PRDM16: variants seen among roughly 807,000 people sequenced by gnomAD.
The protein encoded by PRDM16 is histone-lysine N-methyltransferase PRDM16.
A neutral mutation model predicts 110.6 loss-of-function variants in PRDM16; 23 were observed. That is an observed-to-expected ratio of 0.21 (90% CI 0.15 to 0.29). PRDM16 has a LOEUF of 0.29. Ranked by LOEUF, PRDM16 falls within the 10% of genes least tolerant of loss-of-function variation. The probability of loss-of-function intolerance (pLI) is 1.00; values close to 1 mark genes in which losing one functional copy is unlikely to be tolerated. For synonymous variants in PRDM16, 799 were observed against 781.8 expected (o/e 1.02, Z -0.37); for missense variants, 1,615 against 1,794.3 (o/e 0.90, Z 1.81).
At chr1:3,163,785 G>A (rs781126579) in intron 1 of PRDM16, among the ~76,000 whole-genome samples, 10 of 152,178 alleles carry the variant, frequency 6.6e-5, no homozygotes, top group Non-Finnish European at 8.8e-5. Context: ...GCGTGTTCAC[G>A]TCCAGAGCCG....
At chr1:3,107,717 C>A (rs1642696672) in intron 1 of PRDM16, among the ~76,000 whole-genome samples, 1 of 152,232 alleles carries the variant, frequency 6.6e-6, no homozygotes, top group African/African-American at 2.4e-5. Flanking sequence ...AACCACCTTT[C>A]CTTGTAAGAG....
chr1:3,321,600 G>T (rs1488442340), intron 3 of PRDM16, among the ~76,000 whole-genome samples: 1 of 146,612 alleles, frequency 6.8e-6, no homozygotes, highest in Non-Finnish European at 1.5e-5. Flanking sequence ...TTTCTGGGGG[G>T]TTGCACATGT....
chr1:3,281,046 C>G (rs546421625), intron 3 of PRDM16, among the ~76,000 whole-genome samples: 122 of 152,354 alleles, frequency 8.0e-4, no homozygotes, highest in African/African-American at 2.7e-3. Context: ...TTGTTCAACA[C>G]CGGGCAAGTC....
intron 6 of PRDM16, among the ~76,000 whole-genome samples, chr1:3,403,652 G>T (rs573613502): frequency 1.3e-5 from 2 of 152,338 alleles, no homozygotes; most frequent in South Asian, 4.1e-4. Flanking sequence ...GGGCCTGGGC[G>T]GCCTTGGGGA....
At chr1:3,226,541 G>GA (rs1318035617) in intron 2 of PRDM16, among the ~76,000 whole-genome samples, 2 of 151,824 alleles carry the variant, frequency 1.3e-5, no homozygotes, top group Non-Finnish European at 2.9e-5. Context: ...GTCTGATTAG[G>GA]AAAAAAAACC....
rs566084117 is a variant in PRDM16, at chr1:3,348,411, C to T, written c.439-36741C>T. ...GAAGCAGAGAGTGGAGAGAGGCCAG[C>T]GGTGGGGGCAGCTCTTCAGCACCAT... On this transcript the variant is annotated intron_variant, in intron 3 of 16. Coordinates refer to ENST00000270722, the MANE Select transcript of PRDM16 (RefSeq NM_022114.4). Among the ~76,000 whole-genome samples, 25 of 152,272 alleles carry T rather than the reference C, an allele frequency of 1.6e-4. No individual in the cohort carries two copies. The South Asian group carries it at 2.5e-3, about 15-fold the overall frequency.
At chr1:3,274,240 G>C (rs1640532000) in intron 3 of PRDM16, among the ~76,000 whole-genome samples, 1 of 152,138 alleles carries the variant, frequency 6.6e-6, no homozygotes, top group Non-Finnish European at 1.5e-5. Flanking sequence ...CTCTGAAATG[G>C]TACCTAAATG....
chr1:3,212,344 T>C (rs1638905863), intron 2 of PRDM16, among the ~76,000 whole-genome samples: 1 of 152,126 alleles, frequency 6.6e-6, no homozygotes, highest in Non-Finnish European at 1.5e-5. Flanking sequence ...TCAGGTGATC[T>C]TGACACCCCT....
chr1:3,288,519 G>T (rs1192420346), intron 3 of PRDM16, among the ~76,000 whole-genome samples: 1 of 152,164 alleles, frequency 6.6e-6, no homozygotes, highest in Non-Finnish European at 1.5e-5. Context: ...TGAGCCTGTG[G>T]CCAGGAGTGG....
chr1:3,139,717 G>A (rs1643509535), intron 1 of PRDM16, among the ~76,000 whole-genome samples: 1 of 152,252 alleles, frequency 6.6e-6, no homozygotes, highest in Non-Finnish European at 1.5e-5. Flanking sequence ...TGGCCAGGAG[G>A]GCGTCACCTC....
Position 3,298,258 on chromosome 1 carries a change from G to A in PRDM16, c.438+54121G>A, listed in dbSNP as rs185833533. Among the ~76,000 whole-genome samples, 842 of 152,296 alleles carry A rather than the reference G, an allele frequency of 5.5e-3. 9 individuals are homozygous for A. The highest frequency in any genetic ancestry group is 0.019 in the African/African-American group (791 of 41,562). Reference sequence around the variant, plus strand: ...TCCTCCGCAAATGCACCTCGTGTTCGAGTCCTGCACCCCTCTCCTTCCCTG... The same window carrying A: ...TCCTCCGCAAATGCACCTCGTGTTCAAGTCCTGCACCCCTCTCCTTCCCTG... On this transcript the variant is annotated intron_variant, in intron 3 of 16. Transcript: ENST00000270722.
Position 3,122,850 on chromosome 1 carries a change from G to A in PRDM16, c.37+53554G>A, listed in dbSNP as rs955065421. Among the ~76,000 whole-genome samples, 7 of 152,274 alleles carry A rather than the reference G, an allele frequency of 4.6e-5. No individual in the cohort carries two copies. The South Asian group carries it at 6.2e-4, about 14-fold the overall frequency. On this transcript the variant is annotated intron_variant, in intron 1 of 16. Transcript: ENST00000270722. ...TCTTCCTGTAGGGCTCTAGGGAGGC[G>A]GCGGCTGGGAATGAGAACCAGCCCC... is the stretch of plus-strand genomic sequence containing the variant.
At chr1:3,087,046 G>C (rs932132839) in intron 1 of PRDM16, among the ~76,000 whole-genome samples, 1 of 152,182 alleles carries the variant, frequency 6.6e-6, no homozygotes, top group Non-Finnish European at 1.5e-5. Context: ...CGACATGCTC[G>C]TAGTTCATAT....
At chr1:3,070,657 C>A (rs1056098470) in intron 1 of PRDM16, among the ~76,000 whole-genome samples, 36 of 152,012 alleles carry the variant, frequency 2.4e-4, no homozygotes, top group African/African-American at 8.2e-4. Flanking sequence ...TCGCAGCTCC[C>A]GGGGCCGAGC....
rs146516022 is a variant in PRDM16 at position 3,088,445 on chromosome 1, T to TTTA, written c.37+19155_37+19157dup. On this transcript the variant is annotated intron_variant, in intron 1 of 16. Transcript: ENST00000270722. ...TACTCTTGGGAGATGCAGGGATTCT[T>TTTA]TTATTATTTATTTATTTATTTATTT... 5.6e-3 allele frequency among the ~76,000 whole-genome samples: 843 copies of TTTA among 149,554 alleles called. 6 individuals are homozygous for TTTA. Among genetic ancestry groups the TTTA allele is most frequent in the Middle Eastern group, 0.021 (6 of 290 alleles).
chr1:3,152,716 G>A (rs182279622), intron 1 of PRDM16, among the ~76,000 whole-genome samples: 151 of 152,334 alleles, frequency 9.9e-4, no homozygotes, highest in African/African-American at 3.0e-3. Context: ...TTTCTGATGC[G>A]TGGCTGGGCC....
At chr1:3,097,010 A>G (rs1017650665) in intron 1 of PRDM16, among the ~76,000 whole-genome samples, 3 of 149,748 alleles carry the variant, frequency 2.0e-5, no homozygotes, top group Non-Finnish European at 4.4e-5. Flanking sequence ...TCTGGGAGCC[A>G]CCTGCTGCAG....
chr1:3,216,175 A>G (rs1333305528), intron 2 of PRDM16, among the ~76,000 whole-genome samples: 1 of 152,112 alleles, frequency 6.6e-6, no homozygotes, highest in African/African-American at 2.4e-5. Context: ...CTCTCTTTCC[A>G]TGGGAAAAAT....
At chr1:3,333,112 G>T (rs1172399032) in intron 3 of PRDM16, among the ~76,000 whole-genome samples, 1 of 152,198 alleles carries the variant, frequency 6.6e-6, no homozygotes, top group Non-Finnish European at 1.5e-5. Flanking sequence ...GCGTGGGATT[G>T]CAGGTCACAC....
Sources: allele counts gnomAD v4.1 joint callset (sites outside exome capture counted in the v4.1 genomes callset), GRCh38; gene constraint gnomAD v4.1.1; transcripts MANE v1.5; gene names NCBI Gene and HGNC (gene_info 2026-07-23, HGNC 2026-07-21).